Variants in LHFPL5 observed in about 807,000 individuals in gnomAD.
The protein encoded by LHFPL5 is LHFPL tetraspan subfamily member 5.
LHFPL5 carries 12 observed loss-of-function variants against 18.7 expected under a neutral mutation model. The ratio of observed to expected loss-of-function variants is 0.64; its 90% CI spans 0.41 to 1.04. The LOEUF is 1.04. Ranked by LOEUF, LHFPL5 falls within the 50% of genes least tolerant of loss-of-function variation. The pLI is 0.00. For missense variants in LHFPL5, 259 were observed against 292.1 expected (o/e 0.89, Z 0.83); for synonymous variants, 111 against 120.2 (o/e 0.92, Z 0.50).
chr6:35,816,726 G>A (rs1768769852), intron 2 of LHFPL5, among the ~76,000 whole-genome samples: 1 of 150,326 alleles, frequency 6.7e-6, no homozygotes, highest in Non-Finnish European at 1.5e-5. Context: ...GCAGGAGAAT[G>A]GCATAAACCC....
chr6:35,821,682 T>C (rs1768870727), intron 3 of LHFPL5, among the ~76,000 whole-genome samples: 1 of 151,818 alleles, frequency 6.6e-6, no homozygotes. Flanking sequence ...GGTTTCTCCA[T>C]GTTGGTCATG....
intron 2 of LHFPL5, among the ~76,000 whole-genome samples, chr6:35,816,360 A>G (rs1768761364): frequency 1.3e-5 from 2 of 151,046 alleles, no homozygotes; most frequent in South Asian, 4.2e-4. Flanking sequence ...AAAAAAAAAA[A>G]AGAAAAAAAA....
intron 2 of LHFPL5, among the ~76,000 whole-genome samples, chr6:35,818,554 G>A (rs577108951): frequency 5.9e-5 from 9 of 151,282 alleles, no homozygotes; most frequent in African/African-American, 2.2e-4. Context: ...TAGAGACGGG[G>A]TTCCACCATG....
At chr6:35,806,462 T>A (rs1768570475) in intron 1 of LHFPL5, among the ~76,000 whole-genome samples, 1 of 152,156 alleles carries the variant, frequency 6.6e-6, no homozygotes, top group African/African-American at 2.4e-5. Flanking sequence ...GCTTCCATTG[T>A]TGGCCATGTG....
chr6:35,820,420 A>G (rs1768843659), intron 3 of LHFPL5, among the ~76,000 whole-genome samples: 1 of 152,076 alleles, frequency 6.6e-6, no homozygotes, highest in Non-Finnish European at 1.5e-5. Flanking sequence ...GAAAAAGAGG[A>G]CCGGGCGCGG....
chr6:35,817,053 G>C (rs541063618), intron 2 of LHFPL5, among the ~76,000 whole-genome samples: 4 of 151,960 alleles, frequency 2.6e-5, no homozygotes, highest in Non-Finnish European at 4.4e-5. Context: ...GGCCAGATGC[G>C]GTGGCTTATG....
chr6:35,805,954 A>G lies in LHFPL5; in HGVS notation c.284A>G (p.Lys95Arg), dbSNP rs1226832997. 6.2e-7 allele frequency: 1 copy of G among 1,614,068 alleles called. No homozygotes were observed. The highest frequency in any genetic ancestry group is 2.2e-5 in the East Asian group (1 of 44,896). ...TCCTCCATCCCCTCTAGAGCCTTCA[A>G]GACTGCCATGTTCTTTGTGGCCTTG... ...DFSSIPSRAF[K>R]TAMFFVALGM... Residue 95 changes from lysine (K) to arginine (R), a missense_variant, in exon 1 of 4, where the codon AAG becomes AGG. Coordinates refer to ENST00000360215, the MANE Select transcript of LHFPL5 (RefSeq NM_182548.4). This position sits in a 1 kb window ranked among gnomAD's most constrained non-coding sequence, Gnocchi z 4.3.
rs776141931 is a variant in LHFPL5 at position 35,805,960 on chromosome 6, C to A, written c.290C>A (p.Ala97Asp). 1 of 1,614,230 alleles carries A rather than the reference C, an allele frequency of 6.2e-7. No homozygotes were observed. The highest frequency in any genetic ancestry group is 2.2e-5 in the East Asian group (1 of 44,882). ...SSIPSRAFKT[A>D]MFFVALGMFL... ...ATCCCCTCTAGAGCCTTCAAGACTG[C>A]CATGTTCTTTGTGGCCTTGGGCATG... The change falls in exon 1 of 4, where the codon GCC becomes GAC. Residue 97 changes from alanine (A) to aspartate (D), a missense_variant. By Grantham distance (126) the Ala-to-Asp change is moderately radical. Transcript: ENST00000360215. This position sits in a 1 kb window ranked among gnomAD's most constrained non-coding sequence, Gnocchi z 4.3.
At chr6:35,808,297 T>TTA (rs143892427) in intron 1 of LHFPL5, among the ~76,000 whole-genome samples, 44,611 of 141,862 alleles carry the variant, frequency 0.31, 7,391 homozygotes, top group South Asian at 0.42. Flanking sequence ...TATCTCTATT[T>TTA]TATATATATA....
chr6:35,814,736 C>T lies in LHFPL5; in HGVS notation c.603C>T (p.Tyr201=). ...CCTTCCTGGCCTTCGTGTTGGGCTA[C>T]CGGCAGGACAAGCTCCTCCCTGACG... ...ILSFLAFVLG[Y]RQDKLLPDDY... Residue 201 remains tyrosine (Y), a synonymous_variant, in exon 2 of 4, where the codon TAC becomes TAT. Transcript: ENST00000360215. The surrounding 1 kb of genome is among the most constrained non-coding windows in gnomAD (Gnocchi z 4.2). The T allele has an allele frequency of 6.2e-7, 1 of 1,614,124 alleles. No homozygotes were observed. Among genetic ancestry groups the T allele is most frequent in the Non-Finnish European group, 8.5e-7 (1 of 1,180,034 alleles).
At chr6:35,818,334 TATATATATA>T (rs1768798636) in intron 2 of LHFPL5, among the ~76,000 whole-genome samples, 2 of 6,514 alleles carry the variant, frequency 3.1e-4, no homozygotes, top group African/African-American at 4.7e-4. Flanking sequence ...TATATATATA[TATATATATA>T]TATATGTATT....
At chr6:35,810,676 A>T (rs1042072326) in intron 1 of LHFPL5, among the ~76,000 whole-genome samples, 29 of 152,042 alleles carry the variant, frequency 1.9e-4, no homozygotes, top group African/African-American at 7.0e-4. Context: ...AAAAATAAAA[A>T]ATTAGCTGGG....
intron 2 of LHFPL5, among the ~76,000 whole-genome samples, 167 bp from the exon 3 acceptor site, chr6:35,819,270 C>A (rs1336537520): frequency 6.6e-6 from 1 of 152,104 alleles, no homozygotes; most frequent in African/African-American, 2.4e-5. Context: ...GTAAGGGAGA[C>A]AATCATGCGA....
chr6:35,806,743 T>C (rs1768575302), intron 1 of LHFPL5, among the ~76,000 whole-genome samples: 1 of 152,182 alleles, frequency 6.6e-6, no homozygotes, highest in Non-Finnish European at 1.5e-5. Flanking sequence ...TCCTTGATCA[T>C]GGGATTTTAT....
In LHFPL5 at chr6:35,805,371, G is replaced by C. The variant is rs998222359; in HGVS notation, c.-300G>C. 1.3e-5 allele frequency: 5 copies of C among 391,032 alleles called. No homozygotes were observed. In the East Asian group the frequency reaches 2.0e-4, roughly 16 times the overall value. 24.2% of individuals were successfully genotyped at this position (391,032 alleles called of 1,614,324 possible). A position where few individuals can be genotyped will look rare whatever the true frequency, so the allele number is the denominator to read the frequency against. ...GGGGCTCTCGGGAGCCGTGAGCCGG[G>C]AAGAGGGAGACGGGCAGGGCGGCGC... On this transcript the variant is annotated 5_prime_UTR_variant, in exon 1 of 4. Transcript: ENST00000360215. The surrounding 1 kb of genome is among the most constrained non-coding windows in gnomAD (Gnocchi z 4.3).
In LHFPL5 at chr6:35,805,712, C is replaced by T. The variant is rs1476261801; in HGVS notation, c.42C>T (p.Tyr14=). Residue 14 remains tyrosine, a synonymous_variant, in exon 1 of 4, where the codon TAC becomes TAT. Transcript: ENST00000360215. The surrounding 1 kb of genome is among the most constrained non-coding windows in gnomAD (Gnocchi z 4.3). ...CGGCCCAGGAGGCAGCCAAGATCTA[C>T]CATACCAACTATGTGCGGAACTCGC... ...LLPAQEAAKI[Y]HTNYVRNSRA... 1 of 1,614,088 alleles carries T rather than the reference C, an allele frequency of 6.2e-7. No individual in the cohort carries two copies. The highest frequency in any genetic ancestry group is 8.5e-7 in the Non-Finnish European group (1 of 1,180,046).
intron 3 of LHFPL5, among the ~76,000 whole-genome samples, chr6:35,821,885 T>TTTTTG: frequency 7.8e-6 from 1 of 128,204 alleles, no homozygotes; most frequent in Non-Finnish European, 1.6e-5. Flanking sequence ...TTTTTTTTTT[T>TTTTTG]TTTTTTGAGA....
rs750481586 is a variant in LHFPL5, at chr6:35,805,794, G to T, written c.124G>T (p.Ala42Ser). ...CATCTGCTTCTCCGTACTGGTCATG[G>T]CCCTCTTCATCCAGCCCTACTGGAT... ...LTICFSVLVM[A>S]LFIQPYWIGD... Residue 42 changes from alanine to serine, a missense_variant, in exon 1 of 4, where the codon GCC becomes TCC. Physicochemically the swap from Ala to Ser is moderately conservative, Grantham distance 99. Coordinates refer to ENST00000360215, the MANE Select transcript of LHFPL5 (RefSeq NM_182548.4). The surrounding 1 kb of genome is among the most constrained non-coding windows in gnomAD (Gnocchi z 4.3). 4 of 1,614,200 alleles carry T rather than the reference G, an allele frequency of 2.5e-6. No individual in the cohort carries two copies. The South Asian group carries it at 4.4e-5, about 18-fold the overall frequency.
rs1291098552 is a variant in LHFPL5 at position 35,814,579 on chromosome 6, C to T, written c.446C>T (p.Pro149Leu). Residue 149 changes from proline (P) to leucine (L), a missense_variant, in exon 2 of 4, where the codon CCT (proline) becomes CTT (leucine). Coordinates refer to ENST00000360215, the MANE Select transcript of LHFPL5 (RefSeq NM_182548.4). This position sits in a 1 kb window ranked among gnomAD's most constrained non-coding sequence, Gnocchi z 4.2. ...CTAATGATTGGCTGCCTGGTCTACC[C>T]TGATGGTTGGGACTCAAGTGAGGTG... ...TGLMIGCLVY[P>L]DGWDSSEVRR... The T allele has an allele frequency of 1.2e-6, 2 of 1,614,070 alleles. No individual in the cohort carries two copies. The highest frequency in any genetic ancestry group is 2.7e-5 in the African/African-American group (2 of 74,924).
Sources: gnomAD v4.1 joint callset for allele counts (sites outside exome capture counted in the v4.1 genomes callset) on GRCh38, gnomAD v4.1.1 for gene constraint, Gnocchi (gnomAD v3.1) non-coding constraint, MANE v1.5 for transcripts, NCBI Gene and HGNC (gene_info 2026-07-23, HGNC 2026-07-21) for gene names.